GRIK1: variants seen among roughly 807,000 people sequenced by gnomAD.
GRIK1 encodes glutamate receptor ionotropic, kainate 1.
A neutral mutation model predicts 105.7 loss-of-function variants in GRIK1; 69 were observed. That is an observed-to-expected ratio of 0.65 (90% CI 0.54 to 0.80). The LOEUF (loss-of-function observed/expected upper bound fraction) is 0.80, where lower values mean the gene tolerates loss of function less well. Ranked by LOEUF, GRIK1 falls within the 30% of genes least tolerant of loss-of-function variation. The probability of loss-of-function intolerance (pLI) is 0.00; values close to 1 mark genes in which losing one functional copy is unlikely to be tolerated. For missense variants in GRIK1, 1,109 were observed against 1,167.3 expected, an observed-to-expected ratio of 0.95 and a Z score of 0.73; for synonymous variants, 438 against 431.3, an observed-to-expected ratio of 1.02 and a Z score of -0.19.
intron 9 of GRIK1, among the ~76,000 whole-genome samples, chr21:29,594,070 A>G (rs1005463712): frequency 2.6e-5 from 4 of 152,178 alleles, no homozygotes; most frequent in African/African-American, 9.7e-5. Context: ...GTAGACTAGA[A>G]GAGTATCAAA....
chr21:29,591,086 C>T (rs753846260), intron 10 of GRIK1, 26 bp downstream of exon 10: 8 of 1,219,916 alleles, frequency 6.6e-6, no homozygotes, highest in East Asian at 2.3e-5. Context: ...GGATAAGACA[C>T]CCTCAATTCC....
chr21:29,850,946 A>G (rs564589208), intron 1 of GRIK1, among the ~76,000 whole-genome samples: 2 of 152,370 alleles, frequency 1.3e-5, no homozygotes, highest in African/African-American at 4.8e-5. Context: ...AAATGAATTC[A>G]AGATGCCAAT....
chr21:29,625,151 C>A (rs186240877), intron 7 of GRIK1, among the ~76,000 whole-genome samples: 75 of 152,270 alleles, frequency 4.9e-4, no homozygotes, highest in Admixed American at 1.0e-3. Flanking sequence ...CAATATAAAG[C>A]ACATCGTAAT....
At chr21:29,624,825 G>A (rs572934855) in intron 7 of GRIK1, among the ~76,000 whole-genome samples, 4 of 152,368 alleles carry the variant, frequency 2.6e-5, no homozygotes, top group Admixed American at 1.3e-4. Context: ...AGAAGGAATG[G>A]TGTGAGGTTA....
At chr21:29,684,671 CTAA>C (rs1350504775) in intron 3 of GRIK1, among the ~76,000 whole-genome samples, 1 of 152,104 alleles carries the variant, frequency 6.6e-6, no homozygotes, top group African/African-American at 2.4e-5. Context: ...CCACGCCAGG[CTAA>C]TTTTTTTTTG....
At chr21:29,562,846 A>T (rs2090516191) in intron 14 of GRIK1, among the ~76,000 whole-genome samples, 1 of 147,602 alleles carries the variant, frequency 6.8e-6, no homozygotes, top group Admixed American at 6.9e-5. Context: ...ATGTTATGTA[A>T]TATATGCACA....
chr21:29,553,262 A>G (rs2090166821), intron 16 of GRIK1: 2 of 1,020,626 alleles, frequency 2.0e-6, no homozygotes, highest in Non-Finnish European at 2.3e-6. Flanking sequence ...ATGAAGGAAG[A>G]GTTACTTATT....
intron 1 of GRIK1, among the ~76,000 whole-genome samples, chr21:29,791,585 T>C (rs2066420094): frequency 1.3e-5 from 2 of 152,280 alleles, no homozygotes; most frequent in Non-Finnish European, 2.9e-5. Flanking sequence ...TTGAACTGTA[T>C]GAAAAGCAAG....
rs529786770 is a variant in GRIK1, at chr21:29,638,065, A to T, written c.1098+4761T>A. ...GACACCAATAACAGTAATAAGAAAC[A>T]TGCAGTGCTTATAATATGTTTGGCA... On this transcript the variant is annotated intron_variant, in intron 7 of 17. Coordinates refer to ENST00000327783, the MANE Select transcript of GRIK1 (RefSeq NM_001330994.2). Among the ~76,000 whole-genome samples, 10 of 152,314 alleles carry T rather than the reference A, an allele frequency of 6.6e-5. No homozygotes were observed. The East Asian group carries it at 1.7e-3, about 26-fold the overall frequency.
Position 29,601,471 on chromosome 21 carries a change from G to C in GRIK1, c.1099-2534C>G, listed in dbSNP as rs774662835. Among the ~76,000 whole-genome samples, 8 of 152,274 alleles carry C rather than the reference G, an allele frequency of 5.3e-5. No individual in the cohort carries two copies. In the East Asian group the frequency reaches 1.4e-3, roughly 26 times the overall value. On this transcript the variant is annotated intron_variant, in intron 7 of 17. Coordinates refer to ENST00000327783, the MANE Select transcript of GRIK1 (RefSeq NM_001330994.2). ...TCTGGAGAATTCTGGATAATACAGA[G>C]GTCTTTGAAAATTTTGCCTAAGCTA...
At chr21:29,756,409 T>C (rs939731404) in intron 1 of GRIK1, among the ~76,000 whole-genome samples, 1 of 152,072 alleles carries the variant, frequency 6.6e-6, no homozygotes, top group African/African-American at 2.4e-5. Context: ...ACAATAATAA[T>C]GCTGCGCCCA....
At chr21:29,796,970 C>T (rs960013284) in intron 1 of GRIK1, among the ~76,000 whole-genome samples, 32 of 41,650 alleles carry the variant, frequency 7.7e-4, no homozygotes, top group Non-Finnish European at 1.0e-4. Context: ...AACAAACAAA[C>T]AACAGAAAAA....
chr21:29,639,606 C>A (rs372685022), intron 7 of GRIK1, among the ~76,000 whole-genome samples: 3 of 152,220 alleles, frequency 2.0e-5, no homozygotes, highest in African/African-American at 7.2e-5. Flanking sequence ...GGAACAAGAT[C>A]ATGAGCCTGT....
intron 5 of GRIK1, among the ~76,000 whole-genome samples, chr21:29,654,502 TG>T (rs1030028834): frequency 3.4e-4 from 51 of 152,236 alleles, no homozygotes; most frequent in African/African-American, 8.4e-4. Flanking sequence ...TTGTAGATGA[TG>T]TTTTTTATGA....
Position 29,673,192 on chromosome 21 carries a change from G to A in GRIK1, c.545-28C>T, listed in dbSNP as rs1366563149. ...AGAAAATGACATGCAATCATGCAAT[G>A]GAGACTGTTCTGTCGACAGAGTATT... On this transcript the variant is annotated intron_variant, in intron 3 of 17. Coordinates refer to ENST00000327783, the MANE Select transcript of GRIK1 (RefSeq NM_001330994.2). 7 of 1,488,108 alleles carry A rather than the reference G, an allele frequency of 4.7e-6. No homozygotes were observed. In the South Asian group the frequency reaches 5.7e-5, roughly 12 times the overall value. 92.2% of individuals were successfully genotyped at this position (1,488,108 alleles called of 1,614,324 possible).
intron 1 of GRIK1, among the ~76,000 whole-genome samples, chr21:29,792,542 C>T (rs940087820): frequency 1.3e-5 from 2 of 152,162 alleles, no homozygotes; most frequent in African/African-American, 2.4e-5. Context: ...ATCCCAAGTA[C>T]GCAGTAGGCA....
At chr21:29,660,502 C>T (rs1014497873) in intron 4 of GRIK1, among the ~76,000 whole-genome samples, 1 of 152,156 alleles carries the variant, frequency 6.6e-6, no homozygotes, top group Admixed American at 6.5e-5. Flanking sequence ...GCTATGGAGA[C>T]AGCAATGAAA....
At position 29,703,207 on chromosome 21, in the gene GRIK1, C is replaced by T. The variant is rs536961040; in HGVS notation, c.119-9144G>A. ...ATACTATATGTATTCTAACAAAGCT[C>T]GCTTGCTCCCTTAACTAACTTCTGT... is the stretch of plus-strand genomic sequence containing the variant. On this transcript the variant is annotated intron_variant, in intron 1 of 17. Coordinates refer to ENST00000327783, the MANE Select transcript of GRIK1 (RefSeq NM_001330994.2). 5.3e-5 allele frequency among the ~76,000 whole-genome samples: 8 copies of T among 152,278 alleles called. No homozygotes were observed. The South Asian group carries it at 1.2e-3, about 24-fold the overall frequency.
intron 1 of GRIK1, among the ~76,000 whole-genome samples, chr21:29,920,355 C>A (rs965470802): frequency 1.3e-5 from 2 of 152,078 alleles, no homozygotes; most frequent in Non-Finnish European, 2.9e-5. Flanking sequence ...ACTGAGCACA[C>A]ATGCCCTTTG....
Sources: allele counts gnomAD v4.1 joint callset (sites outside exome capture counted in the v4.1 genomes callset), GRCh38; gene constraint gnomAD v4.1.1; transcripts MANE v1.5; gene names NCBI Gene and HGNC (gene_info 2026-07-23, HGNC 2026-07-21).